XYLB: variants seen among roughly 807,000 people sequenced by gnomAD.
XYLB encodes the protein xylulokinase.
In XYLB, 62 loss-of-function variants were observed where a neutral mutation model predicts 78.7. The observed-to-expected ratio is 0.79, with a 90% CI of 0.64 to 0.97. The LOEUF is 0.97. Ranked by LOEUF, XYLB falls within the 50% of genes least tolerant of loss-of-function variation. The probability of loss-of-function intolerance (pLI) is 0.00; values close to 1 mark genes in which losing one functional copy is unlikely to be tolerated. For synonymous variants in XYLB, 245 were observed against 247.4 expected (o/e 0.99, Z 0.09); for missense variants, 687 against 676.8 (o/e 1.02, Z -0.17).
downstream of XYLB, among the ~76,000 whole-genome samples, chr3:38,418,629 T>C (rs999657656): frequency 1.3e-5 from 2 of 152,250 alleles, no homozygotes; most frequent in African/African-American, 2.4e-5. Context: ...GGAAGATCTC[T>C]ATGTACCAAT....
chr3:38,433,971 T>C, the XYLB span, among the ~76,000 whole-genome samples: 2 of 152,208 alleles, frequency 1.3e-5, no homozygotes, highest in Non-Finnish European at 1.5e-5. Context: ...TTTAATTGAC[T>C]CACAGTTCCA....
the XYLB span, among the ~76,000 whole-genome samples, chr3:38,433,550 G>T: frequency 6.6e-6 from 1 of 152,270 alleles, no homozygotes; most frequent in East Asian, 1.9e-4. Context: ...TCTTCCACCA[G>T]ATACCTTAAA....
chr3:38,348,502 T>C (rs377122013), intron 1 of XYLB, 48 bp from the exon 2 acceptor site: 11 of 1,592,972 alleles, frequency 6.9e-6, no homozygotes, highest in Non-Finnish European at 9.5e-6. Context: ...TGGACCAGTG[T>C]AGAAGCTGAG....
chr3:38,388,093 TA>T (rs1707463635), intron 15 of XYLB, among the ~76,000 whole-genome samples: 1 of 151,872 alleles, frequency 6.6e-6, no homozygotes, highest in Non-Finnish European at 1.5e-5. Flanking sequence ...AGTTGTTAAA[TA>T]AATAGCTAAT....
At chr3:38,369,768 A>G (rs544279623) in intron 8 of XYLB, among the ~76,000 whole-genome samples, 6 of 152,170 alleles carry the variant, frequency 3.9e-5, no homozygotes, top group Non-Finnish European at 8.8e-5. Flanking sequence ...TGTTGCTGCT[A>G]GTTCCAGGCC....
At chr3:38,357,475 C>T (rs1705719042) in intron 2 of XYLB, among the ~76,000 whole-genome samples, 1 of 151,924 alleles carries the variant, frequency 6.6e-6, no homozygotes, top group African/African-American at 2.4e-5. Flanking sequence ...CAAGCTCCAC[C>T]TCCTGGGTTC....
chr3:38,349,190 C>T (rs1705222761), intron 2 of XYLB, among the ~76,000 whole-genome samples: 2 of 152,206 alleles, frequency 1.3e-5, no homozygotes, highest in South Asian at 2.1e-4. Context: ...ACAACATGTG[C>T]GAGGGCCCTG....
At position 38,397,129 on chromosome 3, in the gene XYLB, T is replaced by C; in HGVS notation, c.1408T>C (p.Cys470Arg). Residue 470 changes from cysteine to arginine, a missense_variant, in exon 17 of 19, where the codon TGT becomes CGT. Physicochemically the swap from Cys to Arg is radical, Grantham distance 180. Coordinates refer to ENST00000207870, the MANE Select transcript of XYLB (RefSeq NM_005108.4). ...VYVIDTANSA[C>R]VGSAYRAFHG... The stretch of plus-strand genomic sequence containing the variant: ...TGTTATAGACACTGCCAACTCGGCC[T>C]GTGTGGGTTCTGCATACCGAGCTTT... 6.2e-7 allele frequency: 1 copy of C among 1,614,154 alleles called. No individual in the cohort carries two copies. Among genetic ancestry groups the C allele is most frequent in the Non-Finnish European group, 8.5e-7 (1 of 1,180,038 alleles).
At chr3:38,369,901 G>A (rs1207919775) in intron 8 of XYLB, among the ~76,000 whole-genome samples, 155 bp from the exon 9 acceptor site, 3 of 152,110 alleles carry the variant, frequency 2.0e-5, no homozygotes, top group East Asian at 1.9e-4. Context: ...TGGTTCTCTG[G>A]TTCTAGAACA....
At chr3:38,352,651 G>A (rs1705428860) in intron 2 of XYLB, among the ~76,000 whole-genome samples, 1 of 151,958 alleles carries the variant, frequency 6.6e-6, no homozygotes, top group African/African-American at 2.4e-5. Flanking sequence ...TACCACAAAA[G>A]TGCAAAAATT....
At chr3:38,395,253 T>G (rs1419946134) in intron 15 of XYLB, among the ~76,000 whole-genome samples, 1 of 152,212 alleles carries the variant, frequency 6.6e-6, no homozygotes, top group Admixed American at 6.5e-5. Context: ...TTCTCCTGTT[T>G]TGTTGAGATA....
intron 17 of XYLB, among the ~76,000 whole-genome samples, chr3:38,399,752 C>G (rs935172197): frequency 1.3e-5 from 2 of 152,146 alleles, no homozygotes; most frequent in African/African-American, 4.8e-5. Flanking sequence ...CCAAAGGGTA[C>G]CTGGGCCACT....
intron 18 of XYLB, among the ~76,000 whole-genome samples, chr3:38,405,054 G>T (rs1318290105): frequency 6.6e-6 from 1 of 152,158 alleles, no homozygotes; most frequent in Non-Finnish European, 1.5e-5. Flanking sequence ...TAAAAGAAGA[G>T]TAAGAATGTG....
chr3:38,392,537 T>C (rs1357780502), intron 15 of XYLB, among the ~76,000 whole-genome samples: 2 of 152,154 alleles, frequency 1.3e-5, no homozygotes, highest in Admixed American at 6.5e-5. Flanking sequence ...CCTCAGGTGA[T>C]ACACCCGTCT....
the XYLB span, among the ~76,000 whole-genome samples, chr3:38,434,239 A>G: frequency 2.0e-5 from 3 of 152,228 alleles, no homozygotes; most frequent in African/African-American, 7.2e-5. Flanking sequence ...GGACACAGCC[A>G]AACCATATCA....
chr3:38,402,439 T>G (rs1253340164), intron 18 of XYLB, among the ~76,000 whole-genome samples: 2 of 152,220 alleles, frequency 1.3e-5, no homozygotes, highest in East Asian at 3.9e-4. Flanking sequence ...GCTCATGCTG[T>G]CTAGAGCAGA....
chr3:38,376,943 C>G lies in XYLB; in HGVS notation c.1146C>G (p.Ile382Met). The G allele has an allele frequency of 6.2e-7, 1 of 1,613,966 alleles. No homozygotes were observed. Among genetic ancestry groups the G allele is most frequent in the Non-Finnish European group, 8.5e-7 (1 of 1,179,928 alleles). The change falls in exon 14 of 19, where the codon ATC becomes ATG. Residue 382 changes from isoleucine (I) to methionine (M), a missense_variant. Physicochemically the swap from Ile to Met is conservative, Grantham distance 10. Coordinates refer to ENST00000207870, the MANE Select transcript of XYLB (RefSeq NM_005108.4). ...NLGFYFDVME[I>M]TPEIIGRHRF... The stretch of plus-strand genomic sequence containing the variant: ...GTTTTTATTTTGATGTAATGGAGAT[C>G]ACCCCTGAAATTATTGGACGTCATA...
chr3:38,383,234 A>T (rs1707233330), intron 15 of XYLB, among the ~76,000 whole-genome samples: 1 of 152,216 alleles, frequency 6.6e-6, no homozygotes, highest in South Asian at 2.1e-4. Context: ...CAGTGGTTAA[A>T]TAACTTGGTC....
At chr3:38,383,015 C>T (rs557841380) in intron 15 of XYLB, among the ~76,000 whole-genome samples, 1 of 152,316 alleles carries the variant, frequency 6.6e-6, no homozygotes, top group Non-Finnish European at 1.5e-5. Flanking sequence ...GCCCAGACAT[C>T]ATCTCATTTG....
Sources: gnomAD v4.1 joint callset for allele counts (sites outside exome capture counted in the v4.1 genomes callset) on GRCh38, gnomAD v4.1.1 for gene constraint, MANE v1.5 for transcripts, NCBI Gene and HGNC (gene_info 2026-07-23, HGNC 2026-07-21) for gene names.